Variants in SCHIP1 observed in about 807,000 individuals in gnomAD.
SCHIP1 encodes the protein schwannomin-interacting protein 1.
SCHIP1 carries 8 observed loss-of-function variants against 29.7 expected under a neutral mutation model. The ratio of observed to expected loss-of-function variants is 0.27; its 90% confidence interval spans 0.16 to 0.49. The LOEUF (loss-of-function observed/expected upper bound fraction) is 0.49. Ranked by LOEUF, SCHIP1 falls within the 20% of genes least tolerant of loss-of-function variation. The pLI is 0.99. For missense variants in SCHIP1, 193 were observed against 294.6 expected (o/e 0.66, Z 2.52); for synonymous variants, 76 against 94.9 (o/e 0.80, Z 1.16).
At chr3:159,306,525 A>G in the SCHIP1 span, 21 of 530,504 alleles carry the variant, frequency 4.0e-5, 1 homozygote, top group Non-Finnish European at 4.8e-5. Context: ...TAACTGGCCA[A>G]GGTCATGCCA....
the SCHIP1 span, among the ~76,000 whole-genome samples, chr3:159,497,607 C>G: frequency 6.6e-6 from 1 of 150,784 alleles, no homozygotes; most frequent in Admixed American, 6.6e-5. Context: ...TGTGTTGTCT[C>G]CTAAAAGAAG....
chr3:159,758,783 A>G, the SCHIP1 span, among the ~76,000 whole-genome samples: 624 of 152,334 alleles, frequency 4.1e-3, 3 homozygotes, highest in African/African-American at 0.014. Flanking sequence ...ATAGTTCACA[A>G]TCCTGGCACT....
chr3:159,380,482 A>G, the SCHIP1 span, among the ~76,000 whole-genome samples: 1 of 152,208 alleles, frequency 6.6e-6, no homozygotes, highest in Non-Finnish European at 1.5e-5. Context: ...AAAAAATAAG[A>G]TTAATTCTGC....
the SCHIP1 span, among the ~76,000 whole-genome samples, chr3:159,573,255 G>A: frequency 4.6e-5 from 7 of 152,186 alleles, no homozygotes; most frequent in Non-Finnish European, 5.9e-5. Context: ...GGTACCAGTT[G>A]TTTCTTTCCA....
chr3:159,511,409 C>T, the SCHIP1 span, among the ~76,000 whole-genome samples: 11 of 152,188 alleles, frequency 7.2e-5, no homozygotes, highest in South Asian at 2.1e-4. Context: ...TGACCCCTTG[C>T]GCTTCCCGGG....
the SCHIP1 span, chr3:159,273,383 T>C: frequency 3.0e-6 from 3 of 998,674 alleles, no homozygotes; most frequent in African/African-American, 5.2e-5. Context: ...CTCTATTTTA[T>C]TGTATTATTT....
the SCHIP1 span, among the ~76,000 whole-genome samples, chr3:159,356,673 G>A: frequency 6.6e-6 from 1 of 152,212 alleles, no homozygotes; most frequent in African/African-American, 2.4e-5. Flanking sequence ...TTAAAAATGT[G>A]TGCCAGGGTC....
At chr3:159,763,681 C>T in the SCHIP1 span, 1 of 152,264 alleles carries the variant, frequency 6.6e-6, no homozygotes, top group African/African-American at 2.4e-5. Flanking sequence ...GAGGGCGCGT[C>T]CTCCCTCCCC....
the SCHIP1 span, among the ~76,000 whole-genome samples, chr3:159,756,956 C>A: frequency 1.3e-5 from 2 of 152,238 alleles, no homozygotes; most frequent in Non-Finnish European, 1.5e-5. Flanking sequence ...ATGTCCATAT[C>A]ACTATCAGCA....
chr3:159,328,284 A>G, the SCHIP1 span, among the ~76,000 whole-genome samples: 70 of 152,144 alleles, frequency 4.6e-4, no homozygotes, highest in Non-Finnish European at 1.9e-4. Flanking sequence ...ATTGTGCCCT[A>G]GAAGTATGAG....
the SCHIP1 span, among the ~76,000 whole-genome samples, chr3:159,406,156 C>T: frequency 6.6e-6 from 1 of 151,634 alleles, no homozygotes; most frequent in Non-Finnish European, 1.5e-5. Context: ...TCCAAAGAGA[C>T]TCCATGAAGG....
chr3:159,764,324 A>C, the SCHIP1 span: 1 of 1,233,306 alleles, frequency 8.1e-7, no homozygotes, highest in Non-Finnish European at 1.1e-6. The surrounding 1 kb of genome is among the most constrained non-coding windows in gnomAD (Gnocchi z 6.1). Context: ...TCCTTGGGGG[A>C]CGCACCTCTG....
chr3:159,866,126 C>T, intron 1 of SCHIP1, 37 bp from the exon 3 acceptor site: 4 of 1,594,486 alleles, frequency 2.5e-6, no homozygotes, highest in Non-Finnish European at 3.4e-6. Flanking sequence ...CTATATCTGC[C>T]CACTTATCAG....
chr3:159,781,382 G>A, the SCHIP1 span, among the ~76,000 whole-genome samples: 1 of 152,118 alleles, frequency 6.6e-6, no homozygotes, highest in Non-Finnish European at 1.5e-5. Context: ...CACTATGTTG[G>A]CCAGGCTGGT....
At chr3:159,485,510 CACTT>C in the SCHIP1 span, among the ~76,000 whole-genome samples, 1 of 152,172 alleles carries the variant, frequency 6.6e-6, no homozygotes, top group African/African-American at 2.4e-5. Flanking sequence ...CATCTCTTAG[CACTT>C]ACTTTCTCCT....
At chr3:159,524,749 C>T in the SCHIP1 span, among the ~76,000 whole-genome samples, 8 of 152,200 alleles carry the variant, frequency 5.3e-5, no homozygotes, top group African/African-American at 1.9e-4. Context: ...GAGGAAAGGG[C>T]AGATGTGAGC....
the SCHIP1 span, among the ~76,000 whole-genome samples, chr3:159,556,638 A>C: frequency 1.3e-5 from 2 of 151,842 alleles, no homozygotes; most frequent in African/African-American, 4.8e-5. Context: ...TGAAATTGGA[A>C]ATCATAATTC....
chr3:159,889,000 T>A, intron 5 of SCHIP1, 57 bp downstream of exon 6: 1 of 1,555,636 alleles, frequency 6.4e-7, no homozygotes, highest in Non-Finnish European at 8.7e-7. Flanking sequence ...TATGGGATAA[T>A]GCTGCTTCCT....
the SCHIP1 span, among the ~76,000 whole-genome samples, chr3:159,728,230 C>G: frequency 6.6e-6 from 1 of 152,078 alleles, no homozygotes; most frequent in Non-Finnish European, 1.5e-5. Context: ...GGGAGTTGAT[C>G]ACACCTAGGC....
Sources: gnomAD v4.1 joint callset for allele counts (sites outside exome capture counted in the v4.1 genomes callset) on GRCh38, gnomAD v4.1.1 for gene constraint, Gnocchi (gnomAD v3.1) non-coding constraint, MANE v1.5 for transcripts, NCBI Gene and HGNC (gene_info 2026-07-23, HGNC 2026-07-21) for gene names.